The following DCBLD2 variants were observed in gnomAD, a reference collection of about 807,000 sequenced individuals.
DCBLD2 encodes the protein discoidin, CUB and LCCL domain-containing protein 2.
DCBLD2 carries 54 observed loss-of-function variants against 86.8 expected under a neutral mutation model. The ratio of observed to expected loss-of-function variants is 0.62; its 90% CI spans 0.50 to 0.78. DCBLD2 has a LOEUF of 0.78. Ranked by LOEUF, DCBLD2 falls within the 30% of genes least tolerant of loss-of-function variation. The pLI is 0.00. For synonymous variants in DCBLD2, 354 were observed against 341.3 expected, an observed-to-expected ratio of 1.04 and a Z score of -0.41; for missense variants, 908 against 954.2, an observed-to-expected ratio of 0.95 and a Z score of 0.64.
intron 2 of DCBLD2, among the ~76,000 whole-genome samples, chr3:98,864,842 TTAAA>T (rs747577775): frequency 3.3e-5 from 5 of 151,962 alleles, no homozygotes; most frequent in Non-Finnish European, 7.4e-5. Context: ...ATCCTAGAAC[TTAAA>T]TAATAATAAA....
intron 13 of DCBLD2, among the ~76,000 whole-genome samples, chr3:98,803,925 C>T (rs1201486252): frequency 3.3e-5 from 5 of 152,096 alleles, no homozygotes; most frequent in African/African-American, 9.7e-5. Flanking sequence ...AGCTTTTTGA[C>T]GTGCTGCTGG....
At chr3:98,899,115 C>A (rs953771511) in intron 1 of DCBLD2, among the ~76,000 whole-genome samples, 3 of 151,254 alleles carry the variant, frequency 2.0e-5, no homozygotes, top group African/African-American at 7.3e-5. Flanking sequence ...TTATCAGAAT[C>A]ATTTCTATTT....
rs762879557 is a variant in DCBLD2 at position 98,822,377 on chromosome 3, A to G, written c.697-16T>C. On this transcript the variant is annotated splice_polypyrimidine_tract_variant and intron_variant, in intron 5 of 15. Transcript: ENST00000326840. ...ATGGCGAGGACTTAAGGAAGGGAAAAGAAAAGATTCATTTTTAATTTTCTC... is the reference window on the plus strand; with the variant it reads ...ATGGCGAGGACTTAAGGAAGGGAAAGGAAAAGATTCATTTTTAATTTTCTC... The G allele has an allele frequency of 6.2e-7, 1 of 1,602,540 alleles. No individual in the cohort carries two copies. Among genetic ancestry groups the G allele is most frequent in the Non-Finnish European group, 8.5e-7 (1 of 1,176,114 alleles).
chr3:98,869,576 C>T (rs1347659463), intron 2 of DCBLD2, among the ~76,000 whole-genome samples: 1 of 152,198 alleles, frequency 6.6e-6, no homozygotes. Context: ...TTACATTTGA[C>T]CCTTTTCCTG....
At chr3:98,836,620 G>A (rs1942457206) in intron 3 of DCBLD2, among the ~76,000 whole-genome samples, 2 of 139,286 alleles carry the variant, frequency 1.4e-5, no homozygotes, top group Non-Finnish European at 1.6e-5. Context: ...ACACCTCCCA[G>A]ACGGGGCGGC....
At chr3:98,864,096 GA>G (rs1202636005) in intron 2 of DCBLD2, among the ~76,000 whole-genome samples, 3 of 151,928 alleles carry the variant, frequency 2.0e-5, no homozygotes, top group Non-Finnish European at 4.4e-5. Flanking sequence ...AAAAGACACA[GA>G]AAAAAATGCT....
chr3:98,865,458 G>A (rs1943125922), intron 2 of DCBLD2, among the ~76,000 whole-genome samples: 1 of 152,170 alleles, frequency 6.6e-6, no homozygotes, highest in African/African-American at 2.4e-5. Flanking sequence ...TGAAGGGGGA[G>A]TTGGAGGGAT....
At chr3:98,820,327 A>G in intron 6 of DCBLD2, 39 bp from the exon 7 acceptor site, 1 of 1,372,214 alleles carries the variant, frequency 7.3e-7, no homozygotes, top group Non-Finnish European at 9.6e-7. Flanking sequence ...ATACTCACAT[A>G]ACACATGATG....
chr3:98,880,658 CAAT>C (rs1464230963), intron 2 of DCBLD2, among the ~76,000 whole-genome samples: 2 of 152,178 alleles, frequency 1.3e-5, no homozygotes, highest in Non-Finnish European at 2.9e-5. Context: ...AGAACAACAA[CAAT>C]GGCCACTACC....
At chr3:98,883,280 C>A (rs1265737982) in intron 1 of DCBLD2, among the ~76,000 whole-genome samples, 3 of 152,128 alleles carry the variant, frequency 2.0e-5, no homozygotes. Flanking sequence ...CTGACTATTA[C>A]AGACTACAAG....
chr3:98,870,801 GAAAGAAA>G, intron 2 of DCBLD2, among the ~76,000 whole-genome samples: 1 of 149,666 alleles, frequency 6.7e-6, no homozygotes, highest in Non-Finnish European at 1.5e-5. Context: ...AAGAAAGAAA[GAAAGAAA>G]GAAAGGTAGG....
chr3:98,846,998 A>T (rs1942738472), intron 3 of DCBLD2, among the ~76,000 whole-genome samples: 1 of 152,230 alleles, frequency 6.6e-6, no homozygotes, highest in Admixed American at 6.5e-5. Flanking sequence ...TAATGAAAAT[A>T]AGAAGCAAAT....
rs1289998064 is a variant in DCBLD2, at chr3:98,797,603, A to G, written c.*1769T>C. The G allele has an allele frequency of 6.6e-6, 1 of 152,310 alleles. No individual in the cohort carries two copies. Among genetic ancestry groups the G allele is most frequent in the Non-Finnish European group, 1.5e-5 (1 of 68,026 alleles). 9.4% of individuals were successfully genotyped at this position (152,310 alleles called of 1,614,324 possible). ...TTTGTTTCAAACATTTTGAAACAAA[A>G]TATGTATTGATTCTTCAATGAATGA... On this transcript the variant is annotated 3_prime_UTR_variant, in exon 16 of 16. Coordinates refer to ENST00000326840, the MANE Select transcript of DCBLD2 (RefSeq NM_080927.4).
At chr3:98,892,469 C>T (rs1943679637) in intron 1 of DCBLD2, among the ~76,000 whole-genome samples, 1 of 152,064 alleles carries the variant, frequency 6.6e-6, no homozygotes, top group Non-Finnish European at 1.5e-5. Flanking sequence ...TACTGAATCA[C>T]ACTGGGTCAA....
At chr3:98,810,563 T>C (rs1941921290) in intron 12 of DCBLD2, among the ~76,000 whole-genome samples, 1 of 152,236 alleles carries the variant, frequency 6.6e-6, no homozygotes, top group Non-Finnish European at 1.5e-5. Flanking sequence ...TTGAATTCAA[T>C]TGAAATTTTG....
At chr3:98,802,503 T>C (rs1489107291) in intron 13 of DCBLD2, among the ~76,000 whole-genome samples, 2 of 152,212 alleles carry the variant, frequency 1.3e-5, no homozygotes, top group Non-Finnish European at 2.9e-5. Flanking sequence ...ATTCTGTAGG[T>C]TGCCTGCTCA....
chr3:98,836,697 G>A (rs1215487980), intron 3 of DCBLD2, among the ~76,000 whole-genome samples: 43 of 88,378 alleles, frequency 4.9e-4, no homozygotes, highest in East Asian at 8.2e-4. Context: ...ATCACCTCCC[G>A]GACGGGGCGG....
intron 3 of DCBLD2, among the ~76,000 whole-genome samples, chr3:98,846,891 A>C (rs1942735893): frequency 6.6e-6 from 1 of 152,172 alleles, no homozygotes; most frequent in Non-Finnish European, 1.5e-5. Context: ...TTAAAAAAAC[A>C]GGATACTTAT....
At chr3:98,884,453 T>C (rs1386483340) in intron 1 of DCBLD2, among the ~76,000 whole-genome samples, 1 of 151,010 alleles carries the variant, frequency 6.6e-6, no homozygotes, top group Non-Finnish European at 1.5e-5. Context: ...GAAAATACCT[T>C]GAATATCTCT....
Sources: allele counts gnomAD v4.1 joint callset (sites outside exome capture counted in the v4.1 genomes callset), GRCh38; gene constraint gnomAD v4.1.1; transcripts MANE v1.5; gene names NCBI Gene and HGNC (gene_info 2026-07-23, HGNC 2026-07-21).